Variants in PDZD2 observed in about 807,000 individuals in gnomAD.
The protein encoded by PDZD2 is PDZ domain containing 2, also known as PDZ domain-containing protein 2.
In PDZD2, 90 loss-of-function variants were observed where a neutral mutation model predicts 220.7. The observed-to-expected ratio is 0.41, with a 90% confidence interval of 0.34 to 0.49. PDZD2 has a LOEUF of 0.49. PDZD2 is among the 20% of genes least tolerant of loss of function. PDZD2 has a pLI of 0.28. For missense variants in PDZD2, 3,174 were observed against 3,608.5 expected (o/e 0.88, Z 3.08); for synonymous variants, 1,375 against 1,450.5 (o/e 0.95, Z 1.18).
rs539535029 is a variant in PDZD2, at chr5:31,798,961, G to GTTCAC, written c.-287_-286insTCACT. 1.4e-3 allele frequency: 627 copies of GTTCAC among 451,910 alleles called. 4 individuals carry two copies. The highest frequency in any genetic ancestry group is 9.3e-3 in the African/African-American group (483 of 52,090). 28.0% of individuals were successfully genotyped at this position (451,910 alleles called of 1,614,324 possible). Reference sequence around the variant, plus strand: ...CTCCATTCCTGTGTCATTTGCATGGGTCCTGCTGTGAAATGAACCTGGCAG... The same window carrying GTTCAC: ...CTCCATTCCTGTGTCATTTGCATGGGTTCACTCCTGCTGTGAAATGAACCTGGCAG... On this transcript the variant is annotated 5_prime_UTR_variant, in exon 2 of 25. The change abolishes the stop of an existing upstream ORF in the 5' untranslated region. Transcript: ENST00000438447.
chr5:32,049,388 G>A (rs775991950), intron 8 of PDZD2, among the ~76,000 whole-genome samples: 4 of 152,320 alleles, frequency 2.6e-5, no homozygotes, highest in African/African-American at 4.8e-5. Flanking sequence ...AAGAGGAACC[G>A]TTAGCAGCTT....
chr5:31,868,951 T>G (rs897878227), intron 2 of PDZD2, among the ~76,000 whole-genome samples: 8 of 152,088 alleles, frequency 5.3e-5, no homozygotes, highest in Admixed American at 1.3e-4. Context: ...TTTTGTATTT[T>G]TAGCAGAGAT....
intron 2 of PDZD2, among the ~76,000 whole-genome samples, chr5:31,969,534 A>AAAAAAAAAAAAAAAAAC: frequency 7.1e-6 from 1 of 140,312 alleles, no homozygotes; most frequent in East Asian, 2.1e-4. Context: ...AAAAAAAAAA[A>AAAAAAAAAAAAAAAAAC]ACAATGGATA....
intron 7 of PDZD2, among the ~76,000 whole-genome samples, chr5:32,042,430 G>C (rs77170146): frequency 0.024 from 3,681 of 151,570 alleles, 138 homozygotes; most frequent in African/African-American, 0.079. Flanking sequence ...AAAATTAGTT[G>C]GGTGTGGTGG....
chr5:31,674,437 T>C (rs1002564419), intron 1 of PDZD2, among the ~76,000 whole-genome samples: 2 of 152,228 alleles, frequency 1.3e-5, no homozygotes, highest in African/African-American at 4.8e-5. Context: ...TTATTTAGTA[T>C]CTTTATTAGC....
intron 1 of PDZD2, among the ~76,000 whole-genome samples, chr5:31,750,890 C>T (rs1175385173): frequency 2.6e-5 from 4 of 152,058 alleles, no homozygotes; most frequent in Non-Finnish European, 1.5e-5. Flanking sequence ...TTGAAAGCCA[C>T]GGTGAAGACT....
At chr5:31,864,215 C>G (rs1737984461) in intron 2 of PDZD2, among the ~76,000 whole-genome samples, 1 of 152,198 alleles carries the variant, frequency 6.6e-6, no homozygotes, top group African/African-American at 2.4e-5. Context: ...ACTTTCCTAG[C>G]TCCAGCTCCT....
chr5:31,890,912 G>C (rs12519922), intron 2 of PDZD2, among the ~76,000 whole-genome samples: 69,617 of 151,792 alleles, frequency 0.46, 16,211 homozygotes, highest in Admixed American at 0.51. Flanking sequence ...TTCATACCCT[G>C]TAAAAAGGCC....
intron 2 of PDZD2, among the ~76,000 whole-genome samples, chr5:31,827,019 A>G (rs983144039): frequency 5.9e-5 from 9 of 152,178 alleles, no homozygotes; most frequent in African/African-American, 1.9e-4. Context: ...CAGCACGTCC[A>G]TTCCCCAGAA....
chr5:31,840,626 T>G (rs551927576), intron 2 of PDZD2: 2 of 721,528 alleles, frequency 2.8e-6, no homozygotes, highest in African/African-American at 3.5e-5. Flanking sequence ...TAGGCTTCTT[T>G]CTTTTTCTGA....
chr5:31,848,505 T>C (rs1342675821), intron 2 of PDZD2, among the ~76,000 whole-genome samples: 2 of 152,174 alleles, frequency 1.3e-5, no homozygotes, highest in Non-Finnish European at 2.9e-5. Context: ...TCCCAGCACT[T>C]TGGGAGGCTG....
chr5:31,802,919 C>CAA (rs34901917), intron 2 of PDZD2, among the ~76,000 whole-genome samples: 1,360 of 55,872 alleles, frequency 0.024, 99 homozygotes, highest in African/African-American at 0.08. Context: ...GACTCTGTCT[C>CAA]AAAAAAAAAA....
At chr5:31,777,407 G>A (rs1270438171) in intron 1 of PDZD2, among the ~76,000 whole-genome samples, 3 of 141,114 alleles carry the variant, frequency 2.1e-5, no homozygotes, top group Non-Finnish European at 4.7e-5. Context: ...ACCCCACCCC[G>A]TGGGCTCCCA....
rs865911087 is a variant in PDZD2 at position 31,701,198 on chromosome 5, T to C, written c.-361+61761T>C. On this transcript the variant is annotated intron_variant, in intron 1 of 24. Transcript: ENST00000438447. ...GGAAAGGGGGCAGGCCTGGAAAATA[T>C]ATATATATTTTTTTTTGAGGCAGAG... Among the ~76,000 whole-genome samples, 1,097 of 112,104 alleles carry C rather than the reference T, an allele frequency of 9.8e-3. 19 individuals carry two copies. Among genetic ancestry groups the C allele is most frequent in the African/African-American group, 0.039 (1,017 of 26,248 alleles). 73.5% of individuals were successfully genotyped at this position (112,104 alleles called of 152,430 possible).
chr5:32,087,142 T>A lies in PDZD2; in HGVS notation c.3694T>A (p.Ser1232Thr). 6.2e-7 allele frequency: 1 copy of A among 1,606,946 alleles called. No individual in the cohort carries two copies. ...GQQPMTELDS[S>T]SDLISSPGKK... ...CGTTCCCCACGTAGAACTGGACAGC[T>A]CCTCAGACCTCATCTCTTCCCCAGG... The change falls in exon 20 of 25, where the codon TCC (serine) becomes ACC (threonine). Residue 1232 changes from serine to threonine, a missense_variant. Physicochemically the swap from Ser to Thr is moderately conservative, Grantham distance 58. Around this residue, in one of 4 missense-constraint regions of PDZD2, gnomAD observed 1,861 missense variants for 2,001.0 expected, o/e 0.93. Transcript: ENST00000438447. This position sits in a 1 kb window ranked among gnomAD's most constrained non-coding sequence, Gnocchi z 4.0.
intron 2 of PDZD2, among the ~76,000 whole-genome samples, chr5:31,946,438 C>T (rs768666040): frequency 2.0e-5 from 3 of 152,178 alleles, no homozygotes; most frequent in Non-Finnish European, 1.5e-5. Flanking sequence ...TTGGGCCCTC[C>T]GGCGGGTCTG....
At chr5:31,671,907 G>C (rs887270039) in intron 1 of PDZD2, among the ~76,000 whole-genome samples, 1 of 152,180 alleles carries the variant, frequency 6.6e-6, no homozygotes, top group African/African-American at 2.4e-5. Context: ...ACCTGGAGGG[G>C]TGGAGCTCTA....
At chr5:31,815,463 T>G (rs1755391072) in intron 2 of PDZD2, among the ~76,000 whole-genome samples, 1 of 152,136 alleles carries the variant, frequency 6.6e-6, no homozygotes, top group Admixed American at 6.6e-5. Flanking sequence ...ATGCTTCAAT[T>G]TCTTTCAGTG....
chr5:31,926,462 G>A (rs1744770919), intron 2 of PDZD2, among the ~76,000 whole-genome samples: 1 of 147,994 alleles, frequency 6.8e-6, no homozygotes, highest in South Asian at 2.2e-4. Flanking sequence ...GGAGGCAGGG[G>A]TTGCAGTGAG....
Sources: allele counts gnomAD v4.1 joint callset (sites outside exome capture counted in the v4.1 genomes callset), GRCh38; gene constraint gnomAD v4.1.1; regional missense constraint gnomAD v4.1.1; non-coding constraint Gnocchi (gnomAD v3.1); transcripts MANE v1.5; gene names NCBI Gene and HGNC (gene_info 2026-07-23, HGNC 2026-07-21).